Variants in CHORDC1 observed in about 807,000 individuals in gnomAD.
CHORDC1 encodes cysteine and histidine-rich domain-containing protein 1.
Under a neutral mutation model 48.3 loss-of-function variants are expected in CHORDC1, and 25 were observed. The observed-to-expected ratio is 0.52, with a 90% CI of 0.38 to 0.72. The LOEUF is 0.72. Among genes scored for constraint, CHORDC1 ranks in the 30% least tolerant of loss-of-function variants. The probability of loss-of-function intolerance (pLI) is 0.00; values close to 1 mark genes in which losing one functional copy is unlikely to be tolerated. For synonymous variants in CHORDC1, 128 were observed against 126.4 expected, an observed-to-expected ratio of 1.01 and a Z score of -0.09; for missense variants, 317 against 388.7, an observed-to-expected ratio of 0.82 and a Z score of 1.55.
rs1225236729 is a variant in CHORDC1 at position 90,216,614 on chromosome 11, A to G, written c.115-1384T>C. On this transcript the variant is annotated intron_variant, in intron 2 of 10. Coordinates refer to ENST00000320585, the MANE Select transcript of CHORDC1 (RefSeq NM_012124.3). ...AACACTACAACTGCAAAAGAGAGAGAAGCAAAAATACTTCAAAGTGAATTC... is the reference window on the plus strand; with the variant it reads ...AACACTACAACTGCAAAAGAGAGAGGAGCAAAAATACTTCAAAGTGAATTC... The G allele has an allele frequency of 9.8e-6, 4 of 406,108 alleles. No homozygotes were observed. The East Asian group carries it at 3.1e-4, about 32-fold the overall frequency. The allele number at this position is 406,108 out of a possible 1,614,324, so 25.2% of individuals were successfully genotyped here. A position where few individuals can be genotyped will look rare whatever the true frequency, so the allele number is the denominator to read the frequency against.
chr11:90,221,653 A>C (rs1423108606), intron 1 of CHORDC1, among the ~76,000 whole-genome samples: 1 of 152,182 alleles, frequency 6.6e-6, no homozygotes, highest in Non-Finnish European at 1.5e-5. Context: ...TCGTTTCTCG[A>C]TTTTGTCATC....
At chr11:90,214,243 C>T (rs2135047989) in intron 3 of CHORDC1, 68 bp from the exon 4 acceptor site, 1 of 1,177,994 alleles carries the variant, frequency 8.5e-7, no homozygotes. Flanking sequence ...ATTATCTTTT[C>T]AGTTCTTTAT....
Position 90,200,913 on chromosome 11 carries a change from A to G in CHORDC1, c.*1492T>C, listed in dbSNP as rs1232908627. 6.6e-6 allele frequency among the ~76,000 whole-genome samples: 1 copy of G among 151,986 alleles called. No homozygotes were observed. The highest frequency in any genetic ancestry group is 1.5e-5 in the Non-Finnish European group (1 of 67,874). On this transcript the variant is annotated 3_prime_UTR_variant, in exon 11 of 11. Transcript: ENST00000320585. ...CATGGAAGATAACTTGAAAAATTTT[A>G]AATACATCTCCAGGTATCAGATGCT...
intron 2 of CHORDC1, among the ~76,000 whole-genome samples, chr11:90,216,879 TGA>T (rs1486944362): frequency 1.3e-5 from 2 of 151,466 alleles, no homozygotes; most frequent in East Asian, 3.9e-4. Flanking sequence ...ATGAACTGAA[TGA>T]GAGAAAACAG....
At position 90,202,540 on chromosome 11, in the gene CHORDC1, T is replaced by C. The variant is rs1394931688; in HGVS notation, c.864A>G (p.Val288=). The change falls in exon 11 of 11, where the codon GTA becomes GTG. Residue 288 remains valine, a synonymous_variant. Transcript: ENST00000320585. ...QNVKLWGVID[V]KRSYVTMTAT... is the part of the protein sequence containing the mutation. ...CAGTCATAGTTACATAACTTCGCTT[T>C]ACATCAATCACCTGTAACATATCAA... 6.2e-7 allele frequency: 1 copy of C among 1,613,348 alleles called. No homozygotes were observed. The highest frequency in any genetic ancestry group is 1.7e-5 in the Admixed American group (1 of 59,980).
intron 2 of CHORDC1, among the ~76,000 whole-genome samples, chr11:90,215,929 T>C (rs7118543): frequency 0.43 from 64,912 of 151,874 alleles, 14,359 homozygotes; most frequent in East Asian, 0.59. Flanking sequence ...CAGATTAAGA[T>C]GCAACTTTGC....
At chr11:90,210,292 T>G (rs1857824193) in intron 6 of CHORDC1, among the ~76,000 whole-genome samples, 1 of 152,190 alleles carries the variant, frequency 6.6e-6, no homozygotes, top group Non-Finnish European at 1.5e-5. Flanking sequence ...CTCCAGCCCA[T>G]AAAATGTCTG....
intron 7 of CHORDC1, 124 bp from the exon 8 acceptor site, chr11:90,205,689 G>A (rs981343796): frequency 9.4e-6 from 6 of 639,698 alleles, no homozygotes; most frequent in Middle Eastern, 2.5e-4. Context: ...CATTTTACAA[G>A]TGTCTAAGTT....
chr11:90,212,695 ATC>A (rs1290961570), intron 4 of CHORDC1: 2 of 152,204 alleles, frequency 1.3e-5, no homozygotes, highest in African/African-American at 4.8e-5. Flanking sequence ...AGTTTTTCTC[ATC>A]TCACTGCCTT....
At chr11:90,213,814 G>A in intron 4 of CHORDC1, 1 of 508,174 alleles carries the variant, frequency 2.0e-6, no homozygotes, top group Middle Eastern at 4.8e-4. Flanking sequence ...ATGCAAATCT[G>A]TTATGTAGTT....
chr11:90,206,688 T>C (rs1857700344), intron 6 of CHORDC1: 1 of 768,494 alleles, frequency 1.3e-6, no homozygotes, highest in African/African-American at 1.8e-5. Context: ...TAAGCAATTC[T>C]GGAAGTTCTA....
intron 2 of CHORDC1, among the ~76,000 whole-genome samples, chr11:90,217,540 C>G (rs1204130903): frequency 1.3e-5 from 2 of 152,048 alleles, no homozygotes; most frequent in Admixed American, 6.6e-5. Flanking sequence ...CTGTTATTAG[C>G]CAGTAGTGAC....
chr11:90,214,606 G>A (rs1179170254), intron 3 of CHORDC1, among the ~76,000 whole-genome samples: 4 of 152,032 alleles, frequency 2.6e-5, no homozygotes, highest in Non-Finnish European at 4.4e-5. Context: ...TTGTAAAATG[G>A]AGGTAATGTC....
In CHORDC1 at chr11:90,210,594, T is replaced by C. The variant is rs149068926; in HGVS notation, c.434A>G (p.Glu145Gly). The change falls in exon 6 of 11, where the codon GAA becomes GGA. Residue 145 changes from glutamate (E) to glycine (G), a missense_variant and splice_region_variant. Transcript: ENST00000320585. ...AATCTTAATTTCATCATTGTCTTCTTCTGTAACAAAGAAAAAAAAATCAAA... is the reference window on the plus strand; with the variant it reads ...AATCTTAATTTCATCATTGTCTTCTCCTGTAACAAAGAAAAAAAAATCAAA... ...LSSGNEENKK[E>G]EDNDEIKIGT... 5 of 1,568,678 alleles carry C rather than the reference T, an allele frequency of 3.2e-6. No individual in the cohort carries two copies. The African/African-American group carries it at 6.8e-5, about 21-fold the overall frequency.
At chr11:90,206,370 ATACTT>A in intron 6 of CHORDC1, 98 bp from the exon 7 acceptor site, 1 of 697,860 alleles carries the variant, frequency 1.4e-6, no homozygotes, top group South Asian at 1.6e-5. Flanking sequence ...ACTTTGCAAA[ATACTT>A]AAATGACAAT....
At chr11:90,209,260 G>A (rs764444901) in intron 6 of CHORDC1, 2 of 152,102 alleles carry the variant, frequency 1.3e-5, no homozygotes, top group Non-Finnish European at 2.9e-5. Flanking sequence ...CACCTTGTTG[G>A]TTAATGGTGT....
chr11:90,219,276 C>T (rs938333802), intron 1 of CHORDC1, among the ~76,000 whole-genome samples: 3 of 151,736 alleles, frequency 2.0e-5, no homozygotes, highest in African/African-American at 7.3e-5. Context: ...AAAAAACAAA[C>T]AAAAAAAACT....
chr11:90,213,846 G>A (rs1857932956), intron 4 of CHORDC1, 172 bp downstream of exon 4: 1 of 568,228 alleles, frequency 1.8e-6, no homozygotes, highest in African/African-American at 1.9e-5. Flanking sequence ...ATGCTCTCAA[G>A]TTGAAGAGAA....
intron 4 of CHORDC1, chr11:90,213,569 T>C: frequency 2.0e-6 from 1 of 503,980 alleles, no homozygotes; most frequent in Non-Finnish European, 3.5e-6. Flanking sequence ...CTAAATCAAA[T>C]GCATTAAAAA....
Sources: gnomAD v4.1 joint callset for allele counts (sites outside exome capture counted in the v4.1 genomes callset) on GRCh38, gnomAD v4.1.1 for gene constraint, MANE v1.5 for transcripts, NCBI Gene and HGNC (gene_info 2026-07-23, HGNC 2026-07-21) for gene names.